ASRGL1: variants seen among roughly 807,000 people sequenced by gnomAD.
ASRGL1 encodes the protein asparaginase and isoaspartyl peptidase 1.
In ASRGL1, 16 loss-of-function variants were observed where a neutral mutation model predicts 22.4. That is an observed-to-expected ratio of 0.71 (90% CI 0.48 to 1.08). The LOEUF (loss-of-function observed/expected upper bound fraction) is 1.08, where lower values mean the gene tolerates loss of function less well. Ranked by LOEUF, ASRGL1 falls within the 50% of genes least tolerant of loss-of-function variation. ASRGL1 has a pLI of 0.00. For missense variants in ASRGL1, 412 were observed against 410.1 expected (o/e 1.00, Z -0.04); for synonymous variants, 165 against 159.3 (o/e 1.04, Z -0.27).
chr11:62,391,595 GA>G lies in ASRGL1; in HGVS notation c.686del (p.Asn229ThrfsTer10). ...GGCATGGGGAAAGCATCCTGAAGGT[GA>G]ACCTGGCTAGACTCACCCTGTTCCA... ...TGHGESILKV[N>X]LARLTLFHIE... is the part of the protein sequence containing the mutation. On this transcript the variant is annotated frameshift_variant, in exon 6 of 7. Transcript: ENST00000415229. LOFTEE classifies it low-confidence loss of function (END_TRUNC). 1 of 1,612,186 alleles carries G rather than the reference GA, an allele frequency of 6.2e-7. No homozygotes were observed. The highest frequency in any genetic ancestry group is 8.5e-7 in the Non-Finnish European group (1 of 1,179,186).
chr11:62,343,479 C>G (rs1311314703), intron 2 of ASRGL1, among the ~76,000 whole-genome samples: 1 of 151,568 alleles, frequency 6.6e-6, no homozygotes, highest in East Asian at 1.9e-4. Context: ...CCTGTAATCC[C>G]AGCACTTTGG....
chr11:62,392,287 C>T lies in ASRGL1; in HGVS notation c.*3C>T, dbSNP rs182781338. 3.8e-5 allele frequency: 62 copies of T among 1,613,122 alleles called. 1 individual carries two copies. The Admixed American group carries it at 5.8e-4, about 15-fold the overall frequency. Reference sequence around the variant, plus strand: ...CTACTATCACCGACCTTCCCTAAGCCGCTGGAAGATTGTATTCCAGATGCT... The same window carrying T: ...CTACTATCACCGACCTTCCCTAAGCTGCTGGAAGATTGTATTCCAGATGCT... On this transcript the variant is annotated 3_prime_UTR_variant, in exon 7 of 7. Transcript: ENST00000415229.
At chr11:62,401,231 C>T in the ASRGL1 span, among the ~76,000 whole-genome samples, 1 of 152,192 alleles carries the variant, frequency 6.6e-6, no homozygotes, top group South Asian at 2.1e-4. Context: ...GCGATTTTCA[C>T]GCTAGCAAAT....
intron 4 of ASRGL1, among the ~76,000 whole-genome samples, chr11:62,385,774 G>C (rs1231459796): frequency 2.6e-5 from 4 of 152,128 alleles, no homozygotes; most frequent in Non-Finnish European, 4.4e-5. Context: ...TGAGGCAGGA[G>C]AATCACTTGT....
At chr11:62,384,821 G>A (rs1458348970) in intron 4 of ASRGL1, among the ~76,000 whole-genome samples, 9 of 133,600 alleles carry the variant, frequency 6.7e-5, no homozygotes, top group African/African-American at 2.6e-4. Context: ...AGGAGGCTGA[G>A]GCAGGAGAAT....
At chr11:62,358,026 G>C (rs1195881458) in intron 4 of ASRGL1, among the ~76,000 whole-genome samples, 1 of 152,122 alleles carries the variant, frequency 6.6e-6, no homozygotes, top group East Asian at 1.9e-4. Flanking sequence ...TTATAAAAAG[G>C]GTTCCCAGGT....
the ASRGL1 span, among the ~76,000 whole-genome samples, chr11:62,400,744 C>T: frequency 4.8e-3 from 726 of 152,314 alleles, 6 homozygotes; most frequent in African/African-American, 0.017. Context: ...AGGTAAGTGG[C>T]TGAGGCAGGC....
At chr11:62,360,970 A>G (rs909833342) in intron 4 of ASRGL1, among the ~76,000 whole-genome samples, 13 of 152,216 alleles carry the variant, frequency 8.5e-5, no homozygotes, top group Non-Finnish European at 1.3e-4. Flanking sequence ...CCGTCAGTAC[A>G]GTGTGTGCAA....
At chr11:62,401,118 C>G in the ASRGL1 span, among the ~76,000 whole-genome samples, 1 of 152,222 alleles carries the variant, frequency 6.6e-6, no homozygotes, top group African/African-American at 2.4e-5. Flanking sequence ...CAAGGAGTGC[C>G]CAAGGCCAAC....
At chr11:62,391,677 G>A in intron 6 of ASRGL1, 45 bp downstream of exon 6, 2 of 1,546,182 alleles carry the variant, frequency 1.3e-6, no homozygotes, top group Non-Finnish European at 1.8e-6. Context: ...GAAGATAAGT[G>A]CATAGAAGGT....
downstream of ASRGL1, among the ~76,000 whole-genome samples, chr11:62,396,897 A>G: frequency 6.6e-6 from 1 of 152,212 alleles, no homozygotes; most frequent in South Asian, 2.1e-4. Context: ...GCAGGCAGCC[A>G]AGGAGAAAAG....
Position 62,338,185 on chromosome 11 carries a change from C to T in ASRGL1, c.190+18C>T, listed in dbSNP as rs1945774357. 2.0e-6 allele frequency: 3 copies of T among 1,529,062 alleles called. No homozygotes were observed. The highest frequency in any genetic ancestry group is 2.6e-5 in the South Asian group (2 of 77,090). The allele number at this position is 1,529,062 out of a possible 1,614,324, so 94.7% of individuals were successfully genotyped here. A position where few individuals can be genotyped will look rare whatever the true frequency, so the allele number is the denominator to read the frequency against. On this transcript the variant is annotated intron_variant, in intron 2 of 6. Coordinates refer to ENST00000415229, the MANE Select transcript of ASRGL1 (RefSeq NM_001083926.2). ...CAACGCAGGTAAATGTGCCTTTCAG[C>T]TAGTAAATAATGTGAGTCAGGTCAA...
At position 62,392,156 on chromosome 11, in the gene ASRGL1, G is replaced by T; in HGVS notation, c.799G>T (p.Val267Leu). The T allele has an allele frequency of 1.2e-6, 2 of 1,614,224 alleles. No homozygotes were observed. The highest frequency in any genetic ancestry group is 1.7e-6 in the Non-Finnish European group (2 of 1,180,052). ...GGTTAAAGGTTTAGGTGGCCTCATC[G>T]TGGTTAGCAAAACAGGAGACTGGGT... ...SRVKGLGGLIVVSKTGDWVAK... is the reference protein window; with the variant it reads ...SRVKGLGGLILVSKTGDWVAK... The change falls in exon 7 of 7, where the codon GTG (valine) becomes TTG (leucine). Residue 267 changes from valine (V) to leucine (L), a missense_variant. Physicochemically the swap from Val to Leu is conservative, Grantham distance 32 (BLOSUM62 1). Transcript: ENST00000415229.
chr11:62,372,751 C>G, intron 4 of ASRGL1: 1 of 1,538,972 alleles, frequency 6.5e-7, no homozygotes, highest in Non-Finnish European at 9.0e-7. Flanking sequence ...TTTGACTTCC[C>G]TGGGCATGGG....
At chr11:62,340,243 C>T (rs764528008) in intron 2 of ASRGL1, among the ~76,000 whole-genome samples, 17 of 152,170 alleles carry the variant, frequency 1.1e-4, no homozygotes, top group Non-Finnish European at 1.9e-4. Flanking sequence ...GCACTCCAGC[C>T]TGGGTGACAG....
At chr11:62,367,057 A>C (rs1442871956) in intron 4 of ASRGL1, among the ~76,000 whole-genome samples, 1 of 151,698 alleles carries the variant, frequency 6.6e-6, no homozygotes, top group African/African-American at 2.4e-5. Context: ...ATACAAAATT[A>C]GTCGGGCATG....
chr11:62,399,758 G>A, the ASRGL1 span, among the ~76,000 whole-genome samples: 24 of 152,192 alleles, frequency 1.6e-4, no homozygotes, highest in Non-Finnish European at 3.1e-4. Flanking sequence ...CCCCTGGAGA[G>A]CTACCTGTGA....
downstream of ASRGL1, among the ~76,000 whole-genome samples, chr11:62,397,399 C>T (rs1002078740): frequency 6.6e-6 from 1 of 151,908 alleles, no homozygotes; most frequent in Admixed American, 6.6e-5. Context: ...GGCATGGTGG[C>T]TCATGCTTGT....
intron 4 of ASRGL1, chr11:62,382,425 T>A (rs1475632195): frequency 6.6e-6 from 1 of 152,030 alleles, no homozygotes; most frequent in Non-Finnish European, 1.5e-5. Context: ...GGAAAGGTGC[T>A]ATGCCTTGAT....
Sources: allele counts gnomAD v4.1 joint callset (sites outside exome capture counted in the v4.1 genomes callset), GRCh38; gene constraint gnomAD v4.1.1; transcripts MANE v1.5; gene names NCBI Gene and HGNC (gene_info 2026-07-23, HGNC 2026-07-21).